DOCK7: variants seen among roughly 807,000 people sequenced by gnomAD.
DOCK7 encodes the protein dedicator of cytokinesis protein 7.
DOCK7 carries 138 observed loss-of-function variants against 271.0 expected under a neutral mutation model. The observed-to-expected ratio is 0.51, with a 90% CI of 0.44 to 0.59. The LOEUF is 0.59. Ranked by LOEUF, DOCK7 falls within the 20% of genes least tolerant of loss-of-function variation. DOCK7 has a pLI of 0.00. For missense variants in DOCK7, 2,066 were observed against 2,592.4 expected (o/e 0.80, Z 4.41); for synonymous variants, 823 against 876.1 (o/e 0.94, Z 1.07).
chr1:62,562,233 C>CTTTTTTTTT (rs59893499), intron 18 of DOCK7, among the ~76,000 whole-genome samples: 5,763 of 120,778 alleles, frequency 0.048, 694 homozygotes, highest in African/African-American at 0.15. Flanking sequence ...GATCCAAAAA[C>CTTTTTTTTT]TTTTTTTTTT....
intron 33 of DOCK7, among the ~76,000 whole-genome samples, chr1:62,512,502 G>A (rs1213804405): frequency 6.6e-6 from 1 of 152,114 alleles, no homozygotes; most frequent in African/African-American, 2.4e-5. Context: ...GCAGACCTGG[G>A]ATTAGAAAAC....
chr1:62,688,189 G>GGGCGGC (rs548682666), intron 1 of DOCK7, 38 bp downstream of exon 1: 6 of 1,356,892 alleles, frequency 4.4e-6, no homozygotes, highest in East Asian at 3.3e-5. Context: ...GCTCTTTCTC[G>GGGCGGC]GGCGGCGGCG....
intron 43 of DOCK7, chr1:62,478,292 G>A (rs1344923092): frequency 6.6e-6 from 1 of 152,382 alleles, no homozygotes; most frequent in East Asian, 1.9e-4. Flanking sequence ...CGTATTAAAT[G>A]AGATTGTAAA....
intron 29 of DOCK7, among the ~76,000 whole-genome samples, chr1:62,532,309 G>A (rs4915839): frequency 0.98 from 148,637 of 152,254 alleles, 72,656 homozygotes; most frequent in Middle Eastern, 1. Flanking sequence ...TGCTGAGATT[G>A]TAGGTGTGAG....
At chr1:62,680,607 C>G (rs1439023979) in intron 1 of DOCK7, among the ~76,000 whole-genome samples, 1 of 152,012 alleles carries the variant, frequency 6.6e-6, no homozygotes, top group African/African-American at 2.4e-5. Context: ...AGGCAACCTA[C>G]AAAACGGGAG....
At chr1:62,584,785 T>A (rs1647296720) in intron 15 of DOCK7, 1 of 756,752 alleles carries the variant, frequency 1.3e-6, no homozygotes, top group Non-Finnish European at 2.4e-6. Flanking sequence ...AATCATCAAG[T>A]GATAAAGTCC....
intron 15 of DOCK7, among the ~76,000 whole-genome samples, chr1:62,585,393 C>T (rs1014919406): frequency 6.6e-6 from 1 of 152,052 alleles, no homozygotes; most frequent in African/African-American, 2.4e-5. Flanking sequence ...CATTTTCATC[C>T]CACTAGGGTT....
intron 48 of DOCK7, chr1:62,458,189 G>A (rs1247283504): frequency 3.3e-5 from 5 of 150,830 alleles, no homozygotes; most frequent in South Asian, 2.1e-4. Flanking sequence ...GTGTGTACGC[G>A]CGCGCTGAGA....
chr1:62,569,715 C>T (rs533789231), intron 18 of DOCK7, among the ~76,000 whole-genome samples: 300 of 127,452 alleles, frequency 2.4e-3, no homozygotes, highest in African/African-American at 8.3e-3. Flanking sequence ...TCCCCCCTCC[C>T]CCCCCCCTTT....
intron 33 of DOCK7, among the ~76,000 whole-genome samples, chr1:62,512,511 A>G (rs1644516730): frequency 6.6e-6 from 1 of 152,084 alleles, no homozygotes; most frequent in South Asian, 2.1e-4. Flanking sequence ...GGATTAGAAA[A>G]CCAGTCTCAA....
chr1:62,681,872 G>A (rs952501475), intron 1 of DOCK7, among the ~76,000 whole-genome samples: 1 of 152,080 alleles, frequency 6.6e-6, no homozygotes, highest in Non-Finnish European at 1.5e-5. Context: ...CACACAATAC[G>A]ATTCCACCCG....
At chr1:62,474,146 A>T in intron 47 of DOCK7, 58 bp from the exon 48 acceptor site, 1 of 1,423,236 alleles carries the variant, frequency 7.0e-7, no homozygotes, top group Non-Finnish European at 9.8e-7. Flanking sequence ...TCACAGAGAC[A>T]GAATTTACTC....
intron 43 of DOCK7, chr1:62,481,724 C>T (rs143624166): frequency 4.6e-5 from 7 of 152,246 alleles, no homozygotes; most frequent in South Asian, 2.1e-4. Context: ...ATGTCCGGGA[C>T]GAAGAAATCC....
chr1:62,670,030 C>T (rs1446338285), intron 1 of DOCK7, among the ~76,000 whole-genome samples: 6 of 152,378 alleles, frequency 3.9e-5, no homozygotes, highest in African/African-American at 9.6e-5. Context: ...ACTTAGCACC[C>T]GGGCCAGTGG....
chr1:62,460,701 G>A (rs995669939), intron 48 of DOCK7, among the ~76,000 whole-genome samples: 8 of 151,420 alleles, frequency 5.3e-5, no homozygotes, highest in East Asian at 1.9e-4. Context: ...CTTTTGCCCA[G>A]GCTGAAGTGC....
chr1:62,475,922 C>T lies in DOCK7; in HGVS notation c.5746G>A (p.Val1916Met), dbSNP rs146557825. The T allele has an allele frequency of 1.2e-5, 20 of 1,613,866 alleles. No homozygotes were observed. The highest frequency in any genetic ancestry group is 1.4e-5 in the Non-Finnish European group (16 of 1,179,892). ...TCATATGTGTCAAAGTATGGCTCCACATAGGTAATCTGAATATATGCCTAG... is the reference window on the plus strand; with the variant it reads ...TCATATGTGTCAAAGTATGGCTCCATATAGGTAATCTGAATATATGCCTAG... Reference protein sequence around the residue: ...PNKAYIQITYVEPYFDTYEMK... With the variant: ...PNKAYIQITYMEPYFDTYEMK... Residue 1916 changes from valine to methionine, a missense_variant, in exon 46 of 50, where the codon GTG becomes ATG. By Grantham distance (21) the Val-to-Met change is conservative. Around this residue, in one of 2 missense-constraint regions of DOCK7, gnomAD observed 652 missense variants for 922.1 expected, o/e 0.71. Transcript: ENST00000635253.
intron 8 of DOCK7, 35 bp downstream of exon 8, chr1:62,636,502 T>G: frequency 6.6e-7 from 1 of 1,510,866 alleles, no homozygotes. Context: ...CCAATGATTA[T>G]GACAAATAAC....
intron 1 of DOCK7, among the ~76,000 whole-genome samples, chr1:62,674,394 G>A (rs914483280): frequency 6.6e-6 from 1 of 152,120 alleles, no homozygotes; most frequent in African/African-American, 2.4e-5. Context: ...CAGATTCAGT[G>A]CAATCTCTAT....
chr1:62,552,308 T>A (rs1159408761), intron 22 of DOCK7, among the ~76,000 whole-genome samples: 1 of 152,218 alleles, frequency 6.6e-6, no homozygotes, highest in Non-Finnish European at 1.5e-5. Flanking sequence ...TATCACTCTT[T>A]CTAGTTTACA....
Sources: gnomAD v4.1 joint callset for allele counts (sites outside exome capture counted in the v4.1 genomes callset) on GRCh38, gnomAD v4.1.1 for gene constraint, gnomAD v4.1.1 regional missense constraint, MANE v1.5 for transcripts, NCBI Gene and HGNC (gene_info 2026-07-23, HGNC 2026-07-21) for gene names.